RAB3IP: variants seen among roughly 807,000 people sequenced by gnomAD.
RAB3IP encodes RAB3A interacting protein, also known as rab-3A-interacting protein.
Under a neutral mutation model 59.1 loss-of-function variants are expected in RAB3IP, and 36 were observed. That is an observed-to-expected ratio of 0.61 (90% CI 0.47 to 0.80). The LOEUF (loss-of-function observed/expected upper bound fraction) is 0.80, where lower values mean the gene tolerates loss of function less well. RAB3IP is among the 30% of genes least tolerant of loss of function. RAB3IP has a pLI of 0.00. For missense variants in RAB3IP, 511 were observed against 536.0 expected (o/e 0.95, Z 0.46); for synonymous variants, 207 against 191.2 (o/e 1.08, Z -0.68).
intron 6 of RAB3IP, 64 bp downstream of exon 6, chr12:69,795,408 G>A: frequency 7.3e-7 from 1 of 1,366,744 alleles, no homozygotes; most frequent in Non-Finnish European, 1.0e-6. Context: ...TCACTGAGGT[G>A]TCAGTTATCA....
chr12:69,785,064 A>G, intron 4 of RAB3IP: 2 of 248,198 alleles, frequency 8.1e-6, no homozygotes, highest in Non-Finnish European at 1.5e-5. Context: ...AAAGGAGGCA[A>G]ATTTTAGTAT....
In RAB3IP at chr12:69,820,561, A is replaced by AAAAAC. The variant is rs1881601985; in HGVS notation, c.*5119_*5120insCAAAA. 6.6e-6 allele frequency: 1 copy of AAAAAC among 151,416 alleles called. No homozygotes were observed. Among genetic ancestry groups the AAAAAC allele is most frequent in the African/African-American group, 2.4e-5 (1 of 41,102 alleles). The allele number at this position is 151,416 out of a possible 1,614,324, so 9.4% of individuals were successfully genotyped here. A position where few individuals can be genotyped will look rare whatever the true frequency, so the allele number is the denominator to read the frequency against. On this transcript the variant is annotated 3_prime_UTR_variant, in exon 11 of 11. Coordinates refer to ENST00000247833, the MANE Select transcript of RAB3IP (RefSeq NM_022456.5). Reference sequence around the variant, plus strand: ...GCTTCCCATTGCACTTAGAAAAAAAAAAAAAAAAAAAAACTGGCCAGGTGC... The same window carrying AAAAAC: ...GCTTCCCATTGCACTTAGAAAAAAAAAAAACAAAAAAAAAAAAACTGGCCAGGTGC...
chr12:69,766,757 C>G (rs1015162543), intron 3 of RAB3IP, among the ~76,000 whole-genome samples: 1 of 152,026 alleles, frequency 6.6e-6, no homozygotes, highest in African/African-American at 2.4e-5. Flanking sequence ...AACTCCTGAC[C>G]TCAGGTGATC....
chr12:69,755,759 C>A (rs1196262968), intron 2 of RAB3IP, 100 bp downstream of exon 2: 7 of 945,190 alleles, frequency 7.4e-6, no homozygotes, highest in Non-Finnish European at 1.1e-5. Flanking sequence ...ATTTGAATAA[C>A]TTAAGTGTGC....
chr12:69,768,115 T>G (rs1349231902), intron 3 of RAB3IP, among the ~76,000 whole-genome samples: 41 of 152,000 alleles, frequency 2.7e-4, no homozygotes, highest in Admixed American at 2.7e-3. Flanking sequence ...TGCTTGGGTG[T>G]GTAGTGGAGA....
chr12:69,766,078 T>A (rs1350670748), intron 3 of RAB3IP, among the ~76,000 whole-genome samples: 1 of 152,178 alleles, frequency 6.6e-6, no homozygotes, highest in Non-Finnish European at 1.5e-5. Flanking sequence ...TTTAAGTATT[T>A]TTGTTTGTTT....
chr12:69,744,916 T>C (rs1270557936), intron 1 of RAB3IP, among the ~76,000 whole-genome samples: 1 of 152,206 alleles, frequency 6.6e-6, no homozygotes, highest in Non-Finnish European at 1.5e-5. Context: ...TTAAAATTAT[T>C]ATGAAAGCTA....
At chr12:69,760,838 C>T (rs533760486) in intron 3 of RAB3IP, among the ~76,000 whole-genome samples, 22 of 152,282 alleles carry the variant, frequency 1.4e-4, no homozygotes, top group African/African-American at 5.3e-4. Flanking sequence ...AGTCCTCTCT[C>T]ACTGGCATAA....
chr12:69,814,914 G>C (rs533048124), intron 10 of RAB3IP, among the ~76,000 whole-genome samples: 47 of 152,254 alleles, frequency 3.1e-4, no homozygotes, highest in African/African-American at 9.1e-4. Flanking sequence ...ACGTTACTGA[G>C]TTTTCTGGAT....
rs117498759 is a variant in RAB3IP at position 69,781,677 on chromosome 12, T to C, written c.511-3043T>C. ...TTCACTTAGTAATGTGCATTTAATC[T>C]TCTTTTATGTCTTTTCATGGCTTGT... is the stretch of plus-strand genomic sequence containing the variant. On this transcript the variant is annotated intron_variant, in intron 3 of 10. Transcript: ENST00000247833. Among the ~76,000 whole-genome samples the C allele has an allele frequency of 1.8e-4, 27 of 152,266 alleles. No homozygotes were observed. The East Asian group carries it at 4.6e-3, about 26-fold the overall frequency.
intron 8 of RAB3IP, among the ~76,000 whole-genome samples, chr12:69,809,729 A>G (rs1313459174): frequency 6.6e-6 from 1 of 152,080 alleles, no homozygotes; most frequent in African/African-American, 2.4e-5. Flanking sequence ...CGTAGTTCTC[A>G]TGCCATGGTT....
At chr12:69,747,717 G>A (rs1868556917) in intron 1 of RAB3IP, among the ~76,000 whole-genome samples, 2 of 152,314 alleles carry the variant, frequency 1.3e-5, no homozygotes, top group East Asian at 3.9e-4. Flanking sequence ...TCATGAGATA[G>A]TGAATACTGG....
At chr12:69,762,901 T>C (rs190899185) in intron 3 of RAB3IP, among the ~76,000 whole-genome samples, 30 of 152,206 alleles carry the variant, frequency 2.0e-4, no homozygotes, top group African/African-American at 6.0e-4. Context: ...CTATTCAGTA[T>C]TGGTTCTACT....
intron 3 of RAB3IP, 47 bp downstream of exon 3, chr12:69,756,710 A>G (rs753614534): frequency 6.7e-7 from 1 of 1,497,502 alleles, no homozygotes; most frequent in Non-Finnish European, 9.0e-7. Flanking sequence ...ATTAGAAATT[A>G]GTATTTCTCC....
At chr12:69,765,695 A>T (rs530076164) in intron 3 of RAB3IP, among the ~76,000 whole-genome samples, 96 of 152,274 alleles carry the variant, frequency 6.3e-4, no homozygotes, top group African/African-American at 2.2e-3. Flanking sequence ...AGGCTGCCGA[A>T]CGAAGCATGC....
chr12:69,739,001 G>A lies in RAB3IP; in HGVS notation c.-56G>A, dbSNP rs1319815912. ...TCTGCGGCTCTGTGAGCGCCCCTGA[G>A]CGCCGGCAGCGGCCGCGGTGGGTTC... On this transcript the variant is annotated 5_prime_UTR_variant, in exon 1 of 11. Transcript: ENST00000247833. The A allele has an allele frequency of 6.6e-6, 1 of 152,108 alleles. No homozygotes were observed. The highest frequency in any genetic ancestry group is 1.5e-5 in the Non-Finnish European group (1 of 68,064). The allele number at this position is 152,108 out of a possible 1,614,324, so 9.4% of individuals were successfully genotyped here.
intron 8 of RAB3IP, among the ~76,000 whole-genome samples, chr12:69,807,073 G>A (rs1433547080): frequency 5.9e-5 from 9 of 152,140 alleles, no homozygotes; most frequent in Non-Finnish European, 8.8e-5. Context: ...ATCATGGCCT[G>A]TTCTCGACGG....
chr12:69,787,213 A>G (rs1875827888), intron 4 of RAB3IP, among the ~76,000 whole-genome samples: 1 of 152,160 alleles, frequency 6.6e-6, no homozygotes, highest in South Asian at 2.1e-4. Context: ...TATGTAGCAA[A>G]GTTGAGTTTT....
At chr12:69,770,573 A>C (rs1469162538) in intron 3 of RAB3IP, among the ~76,000 whole-genome samples, 5 of 152,210 alleles carry the variant, frequency 3.3e-5, no homozygotes, top group East Asian at 1.9e-4. Flanking sequence ...GTATCTCTCA[A>C]ATTTCTTGTC....
Sources: allele counts gnomAD v4.1 joint callset (sites outside exome capture counted in the v4.1 genomes callset), GRCh38; gene constraint gnomAD v4.1.1; transcripts MANE v1.5; gene names NCBI Gene and HGNC (gene_info 2026-07-23, HGNC 2026-07-21).